Variants in ATP6V0A1 observed in about 807,000 individuals in gnomAD.
ATP6V0A1 encodes V-type proton ATPase 116 kDa subunit a 1.
A neutral mutation model predicts 105.4 loss-of-function variants in ATP6V0A1; 43 were observed. The observed-to-expected ratio is 0.41, with a 90% CI of 0.32 to 0.53. The LOEUF (loss-of-function observed/expected upper bound fraction) is 0.53. Ranked by LOEUF, ATP6V0A1 falls within the 20% of genes least tolerant of loss-of-function variation. ATP6V0A1 has a pLI of 0.30. For missense variants in ATP6V0A1, 676 were observed against 1,051.1 expected, an observed-to-expected ratio of 0.64 and a Z score of 4.93; for synonymous variants, 362 against 372.8, an observed-to-expected ratio of 0.97 and a Z score of 0.33.
At chr17:42,487,460 G>T in intron 10 of ATP6V0A1, 93 bp downstream of exon 10, 1 of 1,277,940 alleles carries the variant, frequency 7.8e-7, no homozygotes, top group Non-Finnish European at 1.1e-6. Flanking sequence ...GGGCGCGGTG[G>T]CTCATGCCTG....
intron 10 of ATP6V0A1, among the ~76,000 whole-genome samples, chr17:42,488,596 C>T (rs966286525): frequency 2.6e-5 from 4 of 152,106 alleles, no homozygotes; most frequent in Admixed American, 2.6e-4. Context: ...TTCAGACTCC[C>T]GGTAGCTGGG....
intron 19 of ATP6V0A1, chr17:42,510,167 G>A (rs944835573): frequency 2.0e-5 from 3 of 152,192 alleles, no homozygotes; most frequent in Non-Finnish European, 1.5e-5. Flanking sequence ...TTCAAAGGCC[G>A]TGACCACTCA....
intron 19 of ATP6V0A1, among the ~76,000 whole-genome samples, chr17:42,511,961 CAAAAA>C (rs369718871): frequency 1.4e-5 from 2 of 147,108 alleles, no homozygotes; most frequent in Admixed American, 1.3e-4. Flanking sequence ...AACTCCGTCT[CAAAAA>C]AAAAAGTAAC....
intron 2 of ATP6V0A1, among the ~76,000 whole-genome samples, chr17:42,465,888 C>A (rs993405951): frequency 6.6e-6 from 1 of 151,926 alleles, no homozygotes; most frequent in Non-Finnish European, 1.5e-5. Context: ...ATTGCTTGAA[C>A]CTGGGAGGCA....
At chr17:42,469,200 A>G (rs1411299267) in intron 4 of ATP6V0A1, among the ~76,000 whole-genome samples, 1 of 152,142 alleles carries the variant, frequency 6.6e-6, no homozygotes, top group Non-Finnish European at 1.5e-5. Context: ...GGCAGCCAGT[A>G]GACTTCTCAG....
At position 42,521,421 on chromosome 17, in the gene ATP6V0A1, G is replaced by A. The variant is rs1284931993; in HGVS notation, c.*301G>A. 6 of 238,608 alleles carry A rather than the reference G, an allele frequency of 2.5e-5. No homozygotes were observed. The highest frequency in any genetic ancestry group is 1.4e-4 in the South Asian group (1 of 7,304). The allele number at this position is 238,608 out of a possible 1,614,324, so 14.8% of individuals were successfully genotyped here. On this transcript the variant is annotated 3_prime_UTR_variant, in exon 22 of 22. Coordinates refer to ENST00000343619, the MANE Select transcript of ATP6V0A1 (RefSeq NM_001130021.3). The surrounding 1 kb of genome is among the most constrained non-coding windows in gnomAD (Gnocchi z 4.8). Reference sequence around the variant, plus strand: ...GTGGTGAGCCAGTCTGCATTCCCACGCCATCCCAAAGCCCTTTCATCTTCC... The same window carrying A: ...GTGGTGAGCCAGTCTGCATTCCCACACCATCCCAAAGCCCTTTCATCTTCC...
intron 17 of ATP6V0A1, among the ~76,000 whole-genome samples, chr17:42,506,023 G>C (rs1367152091): frequency 6.6e-6 from 1 of 151,978 alleles, no homozygotes; most frequent in Non-Finnish European, 1.5e-5. Flanking sequence ...TTTGACCTCA[G>C]GTGATCTGCC....
chr17:42,519,468 G>A (rs141500108), intron 21 of ATP6V0A1: 2 of 152,342 alleles, frequency 1.3e-5, no homozygotes, highest in Non-Finnish European at 2.9e-5. Flanking sequence ...TGAATGAAAA[G>A]GGGACATGTA....
intron 5 of ATP6V0A1, among the ~76,000 whole-genome samples, chr17:42,471,752 T>G (rs544151687): frequency 6.6e-6 from 1 of 152,102 alleles, no homozygotes; most frequent in South Asian, 2.1e-4. Flanking sequence ...TGTAGGTGAC[T>G]TAGTCCAGGT....
chr17:42,480,793 C>G lies in ATP6V0A1; in HGVS notation c.716+44C>G, dbSNP rs772861456. ...TACCAGGAGTGCACAGCCATGCTGC[C>G]CAACTGTTGAGTCTTAAAGTTCACA... On this transcript the variant is annotated intron_variant, in intron 8 of 21. Coordinates refer to ENST00000343619, the MANE Select transcript of ATP6V0A1 (RefSeq NM_001130021.3). 22 of 1,563,628 alleles carry G rather than the reference C, an allele frequency of 1.4e-5. No individual in the cohort carries two copies. In the East Asian group the frequency reaches 4.5e-4, roughly 32 times the overall value.
chr17:42,505,030 T>C (rs562667401), intron 17 of ATP6V0A1, among the ~76,000 whole-genome samples: 1 of 151,750 alleles, frequency 6.6e-6, no homozygotes, highest in East Asian at 1.9e-4. Context: ...TTCATAGTGA[T>C]AATCACTTTT....
chr17:42,463,886 G>C (rs1399981014), intron 2 of ATP6V0A1, among the ~76,000 whole-genome samples: 1 of 152,138 alleles, frequency 6.6e-6, no homozygotes, highest in Non-Finnish European at 1.5e-5. Context: ...AAGTAAGCTA[G>C]AGAAAAGAAA....
chr17:42,502,383 A>G (rs1599022962), intron 17 of ATP6V0A1, among the ~76,000 whole-genome samples: 1 of 152,228 alleles, frequency 6.6e-6, no homozygotes, highest in Non-Finnish European at 1.5e-5. Context: ...TTCACTGACC[A>G]AAACATCTGG....
Position 42,487,361 on chromosome 17 carries a change from G to C in ATP6V0A1, c.1017G>C (p.Arg339Ser), listed in dbSNP as rs756972023. ...ACTCCATCCAGTTTGCACTCAGAAG[G>C]GGCACGGTGAGTCCCCAAAGCTAAC... ...DLDSIQFALR[R>S]GTEHSGSTVP... Residue 339 changes from arginine to serine, a missense_variant, in exon 10 of 22, where the codon AGG becomes AGC. By Grantham distance (110) the Arg-to-Ser change is moderately radical. Transcript: ENST00000343619. 17 of 1,613,522 alleles carry C rather than the reference G, an allele frequency of 1.1e-5. No individual in the cohort carries two copies. Among genetic ancestry groups the C allele is most frequent in the Non-Finnish European group, 1.3e-5 (15 of 1,179,984 alleles).
intron 12 of ATP6V0A1, 78 bp downstream of exon 12, chr17:42,494,551 A>G (rs2090976208): frequency 2.7e-6 from 4 of 1,485,686 alleles, no homozygotes; most frequent in South Asian, 2.5e-5. Context: ...TATGATCTGG[A>G]AGTCTTTTAT....
intron 4 of ATP6V0A1, 89 bp from the exon 5 acceptor site, chr17:42,469,996 CGGCTT>C (rs2087673129): frequency 8.1e-7 from 1 of 1,234,308 alleles, no homozygotes. Flanking sequence ...TTTGAACTAT[CGGCTT>C]GGCAACAGTT....
At chr17:42,490,132 A>T (rs958049166) in intron 10 of ATP6V0A1, among the ~76,000 whole-genome samples, 1 of 152,218 alleles carries the variant, frequency 6.6e-6, no homozygotes, top group African/African-American at 2.4e-5. Context: ...TGCTTTCTCC[A>T]TGAAAGGGGG....
rs569536927 is a variant in ATP6V0A1, at chr17:42,472,068, T to C, written c.423+1850T>C. ...TAGAGGCCCTTTTTTTTTTTTTTTT[T>C]CCCGAGACAAAGTCTCACTGTGTTG... On this transcript the variant is annotated intron_variant, in intron 5 of 21. Coordinates refer to ENST00000343619, the MANE Select transcript of ATP6V0A1 (RefSeq NM_001130021.3). 1.1e-3 allele frequency among the ~76,000 whole-genome samples: 158 copies of C among 150,088 alleles called. 1 individual carries two copies. The highest frequency in any genetic ancestry group is 3.3e-3 in the African/African-American group (135 of 40,900).
At chr17:42,481,876 C>T (rs1205849330) in intron 8 of ATP6V0A1, among the ~76,000 whole-genome samples, 1 of 152,144 alleles carries the variant, frequency 6.6e-6, no homozygotes, top group East Asian at 1.9e-4. Flanking sequence ...GAGTCTTGCG[C>T]TGCCACCCAG....
Sources: gnomAD v4.1 joint callset for allele counts (sites outside exome capture counted in the v4.1 genomes callset) on GRCh38, gnomAD v4.1.1 for gene constraint, Gnocchi (gnomAD v3.1) non-coding constraint, MANE v1.5 for transcripts, NCBI Gene and HGNC (gene_info 2026-07-23, HGNC 2026-07-21) for gene names.